The following SLC7A14 variants were observed in gnomAD, a reference collection of about 807,000 sequenced individuals.
SLC7A14 encodes solute carrier family 7 member 14.
A neutral mutation model predicts 60.2 loss-of-function variants in SLC7A14; 37 were observed. The observed-to-expected ratio is 0.61, with a 90% confidence interval of 0.47 to 0.81. The LOEUF is 0.81. Ranked by LOEUF, SLC7A14 falls within the 30% of genes least tolerant of loss-of-function variation. The pLI is 0.00. For synonymous variants in SLC7A14, 399 were observed against 395.8 expected, an observed-to-expected ratio of 1.01 and a Z score of -0.10; for missense variants, 886 against 982.7, an observed-to-expected ratio of 0.90 and a Z score of 1.32.
rs542778923 is a variant in SLC7A14, at chr3:170,521,981, G to A, written c.304+4652C>T. On this transcript the variant is annotated intron_variant, in intron 2 of 7. Coordinates refer to ENST00000231706, the MANE Select transcript of SLC7A14 (RefSeq NM_020949.3). ...ATTTAAATAGACACTTTACCAAGGAGAGCACATGGATGACAAATAAACTCA... is the reference window on the plus strand; with the variant it reads ...ATTTAAATAGACACTTTACCAAGGAAAGCACATGGATGACAAATAAACTCA... Among the ~76,000 whole-genome samples the A allele has an allele frequency of 2.6e-5, 4 of 151,934 alleles. No homozygotes were observed. The South Asian group carries it at 8.3e-4, about 32-fold the overall frequency.
intron 1 of SLC7A14, among the ~76,000 whole-genome samples, chr3:170,558,158 A>G (rs1393530502): frequency 6.6e-6 from 1 of 152,178 alleles, no homozygotes; most frequent in Non-Finnish European, 1.5e-5. Context: ...ACTTCAGGTC[A>G]GGAGTTCAAG....
At chr3:170,570,175 GC>G (rs1714906985) in intron 1 of SLC7A14, 1 of 152,126 alleles carries the variant, frequency 6.6e-6, no homozygotes, top group South Asian at 2.1e-4. Flanking sequence ...CAAATAGTAG[GC>G]CAGACACAGT....
intron 2 of SLC7A14, 130 bp downstream of exon 2, chr3:170,526,503 A>AAG (rs2108293540): frequency 1.7e-6 from 2 of 1,161,846 alleles, no homozygotes; most frequent in East Asian, 4.8e-5. Context: ...CAAGGCAAAA[A>AAG]AGAGCATGAT....
chr3:170,501,433 A>G (rs1712606574), intron 2 of SLC7A14, 88 bp from the exon 3 acceptor site: 1 of 1,063,942 alleles, frequency 9.4e-7, no homozygotes, highest in East Asian at 2.4e-5. Flanking sequence ...ACATACTGAG[A>G]CTTTCTAGGA....
chr3:170,566,885 A>G (rs182750257), intron 1 of SLC7A14, among the ~76,000 whole-genome samples: 1 of 152,290 alleles, frequency 6.6e-6, no homozygotes, highest in African/African-American at 2.4e-5. Context: ...CTTTTGCTTT[A>G]ACATTTAAAG....
At chr3:170,509,411 C>T (rs1041964492) in intron 2 of SLC7A14, among the ~76,000 whole-genome samples, 7 of 152,116 alleles carry the variant, frequency 4.6e-5, no homozygotes, top group African/African-American at 9.7e-5. Context: ...CAAACCACTG[C>T]CCCAAATATA....
chr3:170,552,527 G>T (rs1714379022), intron 1 of SLC7A14, among the ~76,000 whole-genome samples: 1 of 152,098 alleles, frequency 6.6e-6, no homozygotes, highest in African/African-American at 2.4e-5. Flanking sequence ...TGATTGTCTG[G>T]TTGTATATTT....
intron 4 of SLC7A14, among the ~76,000 whole-genome samples, chr3:170,487,438 G>A (rs950650413): frequency 6.6e-6 from 1 of 151,784 alleles, no homozygotes; most frequent in Non-Finnish European, 1.5e-5. Context: ...AAAGAAGCAA[G>A]CCCTAGCCAG....
In SLC7A14 at chr3:170,498,735, C is replaced by T. The variant is rs146144886; in HGVS notation, c.691G>A (p.Ala231Thr). 557 of 1,614,014 alleles carry T rather than the reference C, an allele frequency of 3.5e-4. No homozygotes were observed. The highest frequency in any genetic ancestry group is 7.5e-4 in the Admixed American group (45 of 60,004). ...TTCCCATTGATGAAGAAGAGGCCTG[C>T]GATCATGATGAACACCCATACTGCC... is the stretch of plus-strand genomic sequence containing the variant. ...NLAVWVFIMI[A>T]GLFFINGKYW... Residue 231 changes from alanine to threonine, a missense_variant, in exon 4 of 8, where the codon GCA becomes ACA. By Grantham distance (58) the Ala-to-Thr change is moderately conservative. Coordinates refer to ENST00000231706, the MANE Select transcript of SLC7A14 (RefSeq NM_020949.3).
At chr3:170,490,101 T>C (rs1712168886) in intron 4 of SLC7A14, among the ~76,000 whole-genome samples, 1 of 152,192 alleles carries the variant, frequency 6.6e-6, no homozygotes, top group Non-Finnish European at 1.5e-5. Context: ...TGTAATTGGA[T>C]TGGTTATAAC....
intron 1 of SLC7A14, among the ~76,000 whole-genome samples, chr3:170,546,738 C>G (rs1268783024): frequency 6.6e-6 from 1 of 152,152 alleles, no homozygotes; most frequent in African/African-American, 2.4e-5. Flanking sequence ...TACTGATGGA[C>G]AGCTTGCCTT....
intron 1 of SLC7A14, chr3:170,570,007 T>G (rs1714902091): frequency 6.6e-6 from 1 of 152,206 alleles, no homozygotes; most frequent in South Asian, 2.1e-4. Flanking sequence ...GTTTTAAACT[T>G]AGAAGTTGGC....
chr3:170,496,498 T>C, intron 4 of SLC7A14: 1 of 1,464,586 alleles, frequency 6.8e-7, no homozygotes, highest in Non-Finnish European at 9.6e-7. Flanking sequence ...CGGTCGGAGC[T>C]GGAGGCCGCC....
At chr3:170,498,601 T>C in intron 4 of SLC7A14, 66 bp downstream of exon 4, 1 of 1,439,284 alleles carries the variant, frequency 6.9e-7, no homozygotes, top group Non-Finnish European at 9.7e-7. Flanking sequence ...AAATATGTCT[T>C]AGGTTGGTCA....
At chr3:170,524,940 G>A (rs1475694812) in intron 2 of SLC7A14, among the ~76,000 whole-genome samples, 6 of 152,302 alleles carry the variant, frequency 3.9e-5, no homozygotes, top group East Asian at 1.9e-4. Flanking sequence ...TTAAAGAGAC[G>A]TTAAATACAA....
chr3:170,476,244 G>A (rs1302312059), intron 7 of SLC7A14, among the ~76,000 whole-genome samples: 2 of 152,372 alleles, frequency 1.3e-5, no homozygotes, highest in South Asian at 2.1e-4. Context: ...TGATACTGAT[G>A]TGTAGCTAGG....
At chr3:170,545,522 A>T (rs1714152563) in intron 1 of SLC7A14, among the ~76,000 whole-genome samples, 1 of 152,182 alleles carries the variant, frequency 6.6e-6, no homozygotes, top group Admixed American at 6.5e-5. Flanking sequence ...TTAACTTGGT[A>T]TCAAGCATAT....
intron 7 of SLC7A14, among the ~76,000 whole-genome samples, chr3:170,473,949 A>G (rs1338702790): frequency 6.6e-6 from 1 of 152,224 alleles, no homozygotes; most frequent in Non-Finnish European, 1.5e-5. Flanking sequence ...AGAATATGAA[A>G]AAACCTGGTA....
At chr3:170,575,819 C>T (rs1715074134) in intron 1 of SLC7A14, among the ~76,000 whole-genome samples, 3 of 152,164 alleles carry the variant, frequency 2.0e-5, no homozygotes, top group African/African-American at 7.2e-5. Flanking sequence ...CTTCTAGTTA[C>T]AAGATTGGAC....
Sources: gnomAD v4.1 joint callset for allele counts (sites outside exome capture counted in the v4.1 genomes callset) on GRCh38, gnomAD v4.1.1 for gene constraint, MANE v1.5 for transcripts, NCBI Gene and HGNC (gene_info 2026-07-23, HGNC 2026-07-21) for gene names.